LCORL: variants seen among roughly 807,000 people sequenced by gnomAD.
LCORL encodes ligand dependent nuclear receptor corepressor like.
LCORL carries 41 observed loss-of-function variants against 141.8 expected under a neutral mutation model. The ratio of observed to expected loss-of-function variants is 0.29; its 90% confidence interval spans 0.23 to 0.38. LCORL has a LOEUF of 0.38. Ranked by LOEUF, LCORL falls within the 10% of genes least tolerant of loss-of-function variation. The pLI is 1.00. For synonymous variants in LCORL, 618 were observed against 694.1 expected, an observed-to-expected ratio of 0.89 and a Z score of 1.72; for missense variants, 1,759 against 2,035.0, an observed-to-expected ratio of 0.86 and a Z score of 2.61.
chr4:18,006,870 A>G (rs772037100), intron 1 of LCORL, among the ~76,000 whole-genome samples: 2 of 152,200 alleles, frequency 1.3e-5, no homozygotes. Flanking sequence ...TTATATGAAA[A>G]TACAATGCTC....
chr4:17,914,489 C>T (rs188520856), intron 4 of LCORL, among the ~76,000 whole-genome samples: 1 of 152,272 alleles, frequency 6.6e-6, no homozygotes, highest in East Asian at 1.9e-4. Flanking sequence ...CTTTTTGTCC[C>T]TTTATACTAT....
chr4:17,842,167 C>T (rs1722472474), exon 8 of LCORL: 1 of 611,940 alleles, frequency 1.6e-6, no homozygotes, highest in African/African-American at 1.9e-5. Flanking sequence ...TAACTGGTAC[C>T]AAGATGGCTA....
exon 7 of LCORL, chr4:17,874,493 C>T (rs1329633509): frequency 1.5e-5 from 19 of 1,233,670 alleles, no homozygotes; most frequent in Non-Finnish European, 1.9e-5. Context: ...TCAAATCATA[C>T]TTTTTCTGAA....
chr4:17,842,391 A>C (rs1722496736), exon 8 of LCORL: 13 of 1,608,390 alleles, frequency 8.1e-6, no homozygotes, highest in Non-Finnish European at 1.1e-5. Flanking sequence ...TATGTCATGC[A>C]TGTCTAGAAT....
At chr4:17,973,528 C>T in intron 1 of LCORL, among the ~76,000 whole-genome samples, 1 of 151,764 alleles carries the variant, frequency 6.6e-6, no homozygotes, top group Admixed American at 6.6e-5. Context: ...CAATTTTCAA[C>T]TTTGAAGTCT....
intron 5 of LCORL, among the ~76,000 whole-genome samples, chr4:17,905,780 A>G (rs898040342): frequency 6.6e-6 from 1 of 152,130 alleles, no homozygotes; most frequent in Non-Finnish European, 1.5e-5. Flanking sequence ...GGCTTAAATG[A>G]GTATTGCTAA....
intron 4 of LCORL, among the ~76,000 whole-genome samples, chr4:17,949,150 T>C (rs868842766): frequency 2.6e-5 from 4 of 152,204 alleles, no homozygotes; most frequent in Middle Eastern, 3.4e-3. Context: ...TAGAATCTTA[T>C]GCTTTTTATA....
intron 7 of LCORL, among the ~76,000 whole-genome samples, chr4:17,862,583 A>C (rs990361843): frequency 1.3e-5 from 2 of 152,238 alleles, no homozygotes; most frequent in Admixed American, 1.3e-4. Flanking sequence ...ATCTACAACC[A>C]TCTGATCCTT....
intron 4 of LCORL, among the ~76,000 whole-genome samples, chr4:17,921,288 A>G (rs1734263830): frequency 6.6e-6 from 1 of 152,060 alleles, no homozygotes; most frequent in South Asian, 2.1e-4. Context: ...TTGGCCTCCC[A>G]AAGTGCTGAG....
At chr4:17,949,832 TAAG>T (rs944019343) in intron 4 of LCORL, among the ~76,000 whole-genome samples, 2 of 152,098 alleles carry the variant, frequency 1.3e-5, no homozygotes, top group Non-Finnish European at 2.9e-5. Flanking sequence ...TTGAGAAACT[TAAG>T]AACTGTACAA....
chr4:17,849,348 C>G (rs1270868763), intron 7 of LCORL, among the ~76,000 whole-genome samples: 3 of 152,200 alleles, frequency 2.0e-5, no homozygotes, highest in Non-Finnish European at 4.4e-5. Context: ...AACAATCAGA[C>G]AGCAGCATTC....
intron 2 of LCORL, among the ~76,000 whole-genome samples, chr4:17,971,038 T>C (rs1036172323): frequency 6.6e-6 from 1 of 152,134 alleles, no homozygotes; most frequent in Non-Finnish European, 1.5e-5. Context: ...GTCTCAGCCA[T>C]AGACCTCCCT....
intron 4 of LCORL, among the ~76,000 whole-genome samples, chr4:17,939,553 TTATTA>T (rs996467839): frequency 2.0e-5 from 3 of 152,030 alleles, no homozygotes; most frequent in Non-Finnish European, 4.4e-5. Context: ...CCCTAGCTAT[TTATTA>T]TAACTCCTTT....
chr4:17,860,590 T>C (rs1008678059), intron 7 of LCORL, among the ~76,000 whole-genome samples: 20 of 152,182 alleles, frequency 1.3e-4, no homozygotes, highest in Non-Finnish European at 1.5e-4. Flanking sequence ...CCAAATCTCA[T>C]ATCCTCACAT....
intron 4 of LCORL, among the ~76,000 whole-genome samples, chr4:17,937,054 T>C (rs1409832634): frequency 6.6e-6 from 1 of 152,208 alleles, no homozygotes; most frequent in Non-Finnish European, 1.5e-5. Context: ...ATTTATAAAA[T>C]CACATATATG....
intron 6 of LCORL, 125 bp from the exon 7 acceptor site, chr4:17,878,338 C>A: frequency 4.0e-6 from 2 of 497,960 alleles, no homozygotes; most frequent in Middle Eastern, 1.1e-3. Context: ...TAGAGAGCTG[C>A]AATAATGGCA....
At chr4:17,968,176 T>C (rs1292501223) in intron 2 of LCORL, among the ~76,000 whole-genome samples, 1 of 152,162 alleles carries the variant, frequency 6.6e-6, no homozygotes, top group Non-Finnish European at 1.5e-5. Context: ...TTACTTTTTA[T>C]TGACATTACT....
intron 4 of LCORL, among the ~76,000 whole-genome samples, chr4:17,958,756 C>G (rs1713189771): frequency 1.3e-5 from 2 of 151,932 alleles, no homozygotes; most frequent in African/African-American, 2.4e-5. Context: ...TAGAGTTTAT[C>G]TTAGTATTCA....
At chr4:18,001,239 T>C (rs369820965) in intron 1 of LCORL, among the ~76,000 whole-genome samples, 62 of 152,162 alleles carry the variant, frequency 4.1e-4, no homozygotes, top group African/African-American at 1.4e-3. Context: ...CTCAAGATTA[T>C]TGTGAGGATT....
Sources: allele counts gnomAD v4.1 joint callset (sites outside exome capture counted in the v4.1 genomes callset), GRCh38; gene constraint gnomAD v4.1.1; transcripts MANE v1.5; gene names NCBI Gene and HGNC (gene_info 2026-07-23, HGNC 2026-07-21).